PHF20: variants seen among roughly 807,000 people sequenced by gnomAD.
PHF20 encodes PHD finger protein 20.
In PHF20, 23 loss-of-function variants were observed where a neutral mutation model predicts 113.5. The ratio of observed to expected loss-of-function variants is 0.20; its 90% CI spans 0.15 to 0.29. PHF20 has a LOEUF of 0.29. Ranked by LOEUF, PHF20 falls within the 10% of genes least tolerant of loss-of-function variation. The probability of loss-of-function intolerance (pLI) is 1.00; values close to 1 mark genes in which losing one functional copy is unlikely to be tolerated. For missense variants in PHF20, 943 were observed against 1,219.6 expected (o/e 0.77, Z 3.38); for synonymous variants, 434 against 457.3 (o/e 0.95, Z 0.65).
At chr20:35,895,373 G>A (rs1220255420) in intron 9 of PHF20, among the ~76,000 whole-genome samples, 4 of 152,218 alleles carry the variant, frequency 2.6e-5, no homozygotes, top group East Asian at 1.9e-4. Context: ...GGCCAGGCTG[G>A]TCTTGAACTC....
At chr20:35,781,805 C>T (rs557526295) in intron 1 of PHF20, among the ~76,000 whole-genome samples, 1 of 152,204 alleles carries the variant, frequency 6.6e-6, no homozygotes, top group South Asian at 2.1e-4. Flanking sequence ...ATTAGCTGGG[C>T]GTGGTAGCAC....
chr20:35,943,845 T>A (rs1040801752), intron 17 of PHF20, among the ~76,000 whole-genome samples: 1 of 152,124 alleles, frequency 6.6e-6, no homozygotes, highest in Admixed American at 6.5e-5. Context: ...GGTCTCGATC[T>A]CCTGACCTCA....
intron 2 of PHF20, among the ~76,000 whole-genome samples, chr20:35,838,093 G>A (rs900668849): frequency 6.6e-6 from 1 of 152,136 alleles, no homozygotes. Context: ...AGCTGAGGAC[G>A]TAAAGACCCT....
intron 9 of PHF20, among the ~76,000 whole-genome samples, chr20:35,891,415 A>T (rs2054856452): frequency 6.6e-6 from 1 of 152,054 alleles, no homozygotes; most frequent in African/African-American, 2.4e-5. Context: ...GGGTATTTCA[A>T]CATTTTAGAA....
At chr20:35,918,850 T>C (rs1334423503) in intron 13 of PHF20, among the ~76,000 whole-genome samples, 1 of 152,178 alleles carries the variant, frequency 6.6e-6, no homozygotes, top group African/African-American at 2.4e-5. Context: ...TAATGGGGGT[T>C]CAGGGATTGT....
chr20:35,798,005 A>G (rs2041701281), intron 1 of PHF20, among the ~76,000 whole-genome samples: 1 of 152,180 alleles, frequency 6.6e-6, no homozygotes, highest in Non-Finnish European at 1.5e-5. Flanking sequence ...AATCCTTTAC[A>G]TTATACACTT....
At chr20:35,931,845 G>T (rs1041329127) in intron 15 of PHF20, among the ~76,000 whole-genome samples, 5 of 151,882 alleles carry the variant, frequency 3.3e-5, no homozygotes, top group African/African-American at 1.2e-4. Context: ...CAGCTACTTG[G>T]GAGGCTGAGG....
intron 3 of PHF20, among the ~76,000 whole-genome samples, chr20:35,843,084 T>G (rs2042560553): frequency 6.6e-6 from 1 of 151,974 alleles, no homozygotes. Context: ...GTATTTTTAG[T>G]AGAGATGGGG....
At chr20:35,828,922 A>C (rs141383848) in intron 2 of PHF20, among the ~76,000 whole-genome samples, 44 of 152,360 alleles carry the variant, frequency 2.9e-4, no homozygotes, top group African/African-American at 1.0e-3. Flanking sequence ...TTAGTGTCCT[A>C]AAACAATAAA....
chr20:35,781,343 G>A (rs1350028260), intron 1 of PHF20, among the ~76,000 whole-genome samples: 1 of 149,362 alleles, frequency 6.7e-6, no homozygotes, highest in African/African-American at 2.5e-5. Context: ...GGGTTTCACC[G>A]TATTAGCCAG....
chr20:35,834,248 T>G (rs76270065), intron 2 of PHF20, among the ~76,000 whole-genome samples: 1 of 102,152 alleles, frequency 9.8e-6, no homozygotes, highest in Admixed American at 1.0e-4. Context: ...ACAGCTATGG[T>G]TTTTTTTTTT....
chr20:35,801,519 G>GAAAA lies in PHF20; in HGVS notation c.-3_1dup. The GAAAA allele has an allele frequency of 6.2e-7, 1 of 1,611,692 alleles. No homozygotes were observed. The highest frequency in any genetic ancestry group is 8.5e-7 in the Non-Finnish European group (1 of 1,178,032). ...AATAAAGGCAGCCCCGTTGATGACTGAAAATGACAAAGCATCCACCTAACA... is the reference window on the plus strand; with the variant it reads ...AATAAAGGCAGCCCCGTTGATGACTGAAAAAAAATGACAAAGCATCCACCTAACA... On this transcript the variant is annotated 5_prime_UTR_variant, in exon 2 of 18. Transcript: ENST00000374012.
intron 2 of PHF20, among the ~76,000 whole-genome samples, chr20:35,841,857 G>C (rs2042541803): frequency 6.6e-6 from 1 of 152,154 alleles, no homozygotes; most frequent in Non-Finnish European, 1.5e-5. Context: ...GTCTGATACA[G>C]TCTGGGTTGC....
chr20:35,889,163 A>G (rs988804444), intron 9 of PHF20, among the ~76,000 whole-genome samples: 1 of 150,206 alleles, frequency 6.7e-6, no homozygotes, highest in African/African-American at 2.4e-5. Context: ...TTATAGGTGC[A>G]CACCACCACG....
At chr20:35,842,907 A>G (rs995455163) in intron 3 of PHF20, among the ~76,000 whole-genome samples, 163 bp downstream of exon 3, 1 of 151,970 alleles carries the variant, frequency 6.6e-6, no homozygotes, top group African/African-American at 2.4e-5. Flanking sequence ...AAGAATCCCA[A>G]TTTTGTTTGT....
chr20:35,791,537 G>GTATATATATATATATATATATA (rs59752864), intron 1 of PHF20, among the ~76,000 whole-genome samples: 1 of 127,232 alleles, frequency 7.9e-6, no homozygotes, highest in African/African-American at 3.0e-5. Flanking sequence ...TTAGAATAGT[G>GTATATATATATATATATATATA]TATATATATA....
chr20:35,807,579 C>A (rs939078637), intron 2 of PHF20, among the ~76,000 whole-genome samples: 2 of 151,984 alleles, frequency 1.3e-5, no homozygotes, highest in African/African-American at 2.4e-5. Flanking sequence ...TCTTGAACTC[C>A]TGACCTCAGG....
At position 35,950,004 on chromosome 20, in the gene PHF20, G is replaced by T. The variant is rs1402163390; in HGVS notation, c.*2377G>T. The T allele has an allele frequency of 6.6e-6, 1 of 152,394 alleles. No homozygotes were observed. The highest frequency in any genetic ancestry group is 2.4e-5 in the African/African-American group (1 of 41,432). 9.4% of individuals were successfully genotyped at this position (152,394 alleles called of 1,614,324 possible). Reference sequence around the variant, plus strand: ...GGAGGCGGAGGTTGAAGTGAGCCGAGATTGCGCTATTGCACTCCAGCTCGG... The same window carrying T: ...GGAGGCGGAGGTTGAAGTGAGCCGATATTGCGCTATTGCACTCCAGCTCGG... On this transcript the variant is annotated 3_prime_UTR_variant, in exon 18 of 18. Coordinates refer to ENST00000374012, the MANE Select transcript of PHF20 (RefSeq NM_016436.5).
At chr20:35,891,128 G>T (rs1271208457) in intron 9 of PHF20, among the ~76,000 whole-genome samples, 2 of 152,126 alleles carry the variant, frequency 1.3e-5, no homozygotes, top group African/African-American at 4.8e-5. Flanking sequence ...TGTAATCCCA[G>T]CACTTTGGGA....
Sources: gnomAD v4.1 joint callset for allele counts (sites outside exome capture counted in the v4.1 genomes callset) on GRCh38, gnomAD v4.1.1 for gene constraint, MANE v1.5 for transcripts, NCBI Gene and HGNC (gene_info 2026-07-23, HGNC 2026-07-21) for gene names.